TRPS1: variants seen among roughly 807,000 people sequenced by gnomAD.
TRPS1 encodes the protein transcriptional repressor GATA binding 1.
A neutral mutation model predicts 101.2 loss-of-function variants in TRPS1; 6 were observed. The ratio of observed to expected loss-of-function variants is 0.06; its 90% CI spans 0.03 to 0.12. The LOEUF (loss-of-function observed/expected upper bound fraction) is 0.12. TRPS1 is among the 10% of genes least tolerant of loss of function. The pLI, the probability that TRPS1 is intolerant of heterozygous loss-of-function variation, is 1.00. For synonymous variants in TRPS1, 578 were observed against 589.8 expected (o/e 0.98, Z 0.29); for missense variants, 1,363 against 1,567.0 (o/e 0.87, Z 2.20).
intron 5 of TRPS1, among the ~76,000 whole-genome samples, chr8:115,577,270 T>A (rs3808457): frequency 0.53 from 79,818 of 151,912 alleles, 22,450 homozygotes; most frequent in East Asian, 0.83. Context: ...TGTTTGTACA[T>A]TTTTAGATTC....
intron 5 of TRPS1, among the ~76,000 whole-genome samples, chr8:115,582,163 TA>T (rs1479450080): frequency 6.6e-6 from 1 of 152,200 alleles, no homozygotes; most frequent in African/African-American, 2.4e-5. Context: ...ACATAAACAT[TA>T]AGTCAGTGCT....
chr8:115,523,961 A>G (rs1815931315), intron 5 of TRPS1, among the ~76,000 whole-genome samples: 1 of 152,192 alleles, frequency 6.6e-6, no homozygotes, highest in Admixed American at 6.5e-5. Context: ...GCCTTCACGA[A>G]AAATAAAAGA....
intron 5 of TRPS1, among the ~76,000 whole-genome samples, chr8:115,445,393 CA>C (rs1163101911): frequency 1.2e-4 from 19 of 152,178 alleles, no homozygotes; most frequent in African/African-American, 4.6e-4. Flanking sequence ...GCAACATCCC[CA>C]AAACCTTTCT....
At chr8:115,514,114 G>C (rs1318776501) in intron 5 of TRPS1, among the ~76,000 whole-genome samples, 5 of 151,674 alleles carry the variant, frequency 3.3e-5, no homozygotes, top group Admixed American at 6.6e-5. Flanking sequence ...GGACATATGT[G>C]AGTCTATTCT....
intron 1 of TRPS1, chr8:115,668,020 A>T (rs1811969886): frequency 4.0e-6 from 4 of 1,006,378 alleles, no homozygotes; most frequent in Non-Finnish European, 5.9e-6. Flanking sequence ...AATCAGCCAG[A>T]AAGAGACAGC....
intron 5 of TRPS1, among the ~76,000 whole-genome samples, chr8:115,524,589 G>A (rs1815950117): frequency 6.6e-6 from 1 of 151,890 alleles, no homozygotes; most frequent in Admixed American, 6.6e-5. Flanking sequence ...AAAGTGCTGG[G>A]ATTACAGGTG....
rs576883776 is a variant in TRPS1, at chr8:115,518,605, G to T, written c.2700+68396C>A. Among the ~76,000 whole-genome samples the T allele has an allele frequency of 1.0e-3, 152 of 151,790 alleles. 3 individuals carry two copies. The South Asian group carries it at 0.031, about 31-fold the overall frequency. On this transcript the variant is annotated intron_variant, in intron 5 of 6. Transcript: ENST00000395715. ...TATGAATTATTTTTCCTAAAGTGGA[G>T]CTTCCAAATTTGACAAGCTTTCAGT...
intron 1 of TRPS1, chr8:115,667,765 G>T: frequency 7.1e-7 from 1 of 1,417,404 alleles, no homozygotes; most frequent in Non-Finnish European, 9.5e-7. Flanking sequence ...GCCTGCATTT[G>T]CAAACTCTTC....
At chr8:115,561,333 A>T (rs1816940314) in intron 5 of TRPS1, among the ~76,000 whole-genome samples, 2 of 152,098 alleles carry the variant, frequency 1.3e-5, no homozygotes, top group Non-Finnish European at 2.9e-5. Flanking sequence ...CACACAAGGC[A>T]GCCATGAGCT....
intron 5 of TRPS1, among the ~76,000 whole-genome samples, chr8:115,530,321 A>G (rs1259500697): frequency 1.4e-4 from 22 of 152,146 alleles, no homozygotes; most frequent in Non-Finnish European, 3.2e-4. Context: ...TAGAGACAAT[A>G]AGAGTATTGG....
At chr8:115,651,272 A>G (rs770612915) in intron 1 of TRPS1, among the ~76,000 whole-genome samples, 36 of 152,214 alleles carry the variant, frequency 2.4e-4, no homozygotes, top group Non-Finnish European at 4.4e-4. Context: ...CCACTTCGCT[A>G]AATGACATTA....
At chr8:115,477,041 C>G (rs570574736) in intron 5 of TRPS1, among the ~76,000 whole-genome samples, 1 of 152,056 alleles carries the variant, frequency 6.6e-6, no homozygotes, top group Non-Finnish European at 1.5e-5. Flanking sequence ...GTTAATAACA[C>G]GAGGTTGGTT....
chr8:115,533,315 A>AT (rs1816180784), intron 5 of TRPS1, among the ~76,000 whole-genome samples: 1 of 151,926 alleles, frequency 6.6e-6, no homozygotes, highest in South Asian at 2.1e-4. Flanking sequence ...TAGTTCCAAT[A>AT]TTTCTAATGT....
intron 5 of TRPS1, among the ~76,000 whole-genome samples, chr8:115,578,024 C>T (rs894948589): frequency 1.3e-5 from 2 of 152,102 alleles, no homozygotes; most frequent in African/African-American, 4.8e-5. Flanking sequence ...AATTAAAACC[C>T]TTGACTCAAC....
At chr8:115,464,733 T>C (rs1001061958) in intron 5 of TRPS1, among the ~76,000 whole-genome samples, 34 of 152,128 alleles carry the variant, frequency 2.2e-4, no homozygotes, top group African/African-American at 8.2e-4. Flanking sequence ...AAGATTTGAA[T>C]GAAAAAACTT....
chr8:115,544,451 G>A (rs560962004), intron 5 of TRPS1, among the ~76,000 whole-genome samples: 1 of 151,956 alleles, frequency 6.6e-6, no homozygotes, highest in Non-Finnish European at 1.5e-5. Flanking sequence ...TACCTCCCTG[G>A]CATCTGCTGA....
At chr8:115,452,592 G>A (rs1170716050) in intron 5 of TRPS1, among the ~76,000 whole-genome samples, 2 of 152,098 alleles carry the variant, frequency 1.3e-5, no homozygotes, top group Non-Finnish European at 1.5e-5. Flanking sequence ...ATGTGATAAC[G>A]TTCAAACTGC....
At chr8:115,567,147 AC>A (rs3832573) in intron 5 of TRPS1, among the ~76,000 whole-genome samples, 104,937 of 151,826 alleles carry the variant, frequency 0.69, 37,676 homozygotes, top group African/African-American at 0.89. Context: ...TCCAAGATAT[AC>A]TTGTTCCAGA....
At position 115,492,385 on chromosome 8, in the gene TRPS1, G is replaced by A. The variant is rs537191761; in HGVS notation, c.2701-73933C>T. 1.7e-3 allele frequency among the ~76,000 whole-genome samples: 261 copies of A among 152,134 alleles called. 2 individuals are homozygous for A. The highest frequency in any genetic ancestry group is 0.01 in the Middle Eastern group (3 of 294). The stretch of plus-strand genomic sequence containing the variant: ...CAGTGTTAGAATATCTAAACATTTT[G>A]TCAGAAATAGGGAGCCACCAAAAGT... On this transcript the variant is annotated intron_variant, in intron 5 of 6. Coordinates refer to ENST00000395715, the MANE Select transcript of TRPS1 (RefSeq NM_014112.5).
Sources: gnomAD v4.1 joint callset for allele counts (sites outside exome capture counted in the v4.1 genomes callset) on GRCh38, gnomAD v4.1.1 for gene constraint, MANE v1.5 for transcripts, NCBI Gene and HGNC (gene_info 2026-07-23, HGNC 2026-07-21) for gene names.